The following PRKAR1A variants were observed in gnomAD, a reference collection of about 807,000 sequenced individuals.
PRKAR1A encodes protein kinase cAMP-dependent type I regulatory subunit alpha.
A neutral mutation model predicts 52.0 loss-of-function variants in PRKAR1A; 3 were observed. The ratio of observed to expected loss-of-function variants is 0.06; its 90% CI spans 0.03 to 0.15. The LOEUF is 0.15. Ranked by LOEUF, PRKAR1A falls within the 10% of genes least tolerant of loss-of-function variation. The pLI is 1.00. For missense variants in PRKAR1A, 240 were observed against 477.4 expected, an observed-to-expected ratio of 0.50 and a Z score of 4.63; for synonymous variants, 188 against 168.4, an observed-to-expected ratio of 1.12 and a Z score of -0.90.
At chr17:68,468,052 T>A in the PRKAR1A span, among the ~76,000 whole-genome samples, 1 of 152,122 alleles carries the variant, frequency 6.6e-6, no homozygotes, top group South Asian at 2.1e-4. Context: ...CATACTACCA[T>A]GCCCAACTAA....
Position 68,531,848 on chromosome 17 carries a change from T to A in PRKAR1A, c.*1399T>A. ...TTTTTTAAACAAAATTTCACAGTTC[T>A]GTAATGTAGGCACTTTTATTTTCAT... On this transcript the variant is annotated 3_prime_UTR_variant, in exon 11 of 11. Coordinates refer to ENST00000589228, the MANE Select transcript of PRKAR1A (RefSeq NM_002734.5). The A allele has an allele frequency of 9.6e-7, 1 of 1,036,272 alleles. No individual in the cohort carries two copies. Among genetic ancestry groups the A allele is most frequent in the Non-Finnish European group, 1.2e-6 (1 of 852,414 alleles). The allele number at this position is 1,036,272 out of a possible 1,614,324, so 64.2% of individuals were successfully genotyped here.
chr17:68,486,553 CTT>C, the PRKAR1A span, among the ~76,000 whole-genome samples: 105 of 126,746 alleles, frequency 8.3e-4, 1 homozygote, highest in African/African-American at 2.8e-3. Flanking sequence ...TTCTTTCTTT[CTT>C]TCTTTCTTTC....
downstream of PRKAR1A, chr17:68,535,445 T>C (rs1165487841): frequency 2.2e-6 from 1 of 454,098 alleles, no homozygotes; most frequent in Non-Finnish European, 4.4e-6. Flanking sequence ...GAGAGTCTTA[T>C]TTGGAAGTCC....
chr17:68,430,193 G>GCAGCCCAGTCCCATC, the PRKAR1A span: 1 of 1,585,266 alleles, frequency 6.3e-7, no homozygotes, highest in Non-Finnish European at 8.6e-7. Flanking sequence ...CGATGGGACT[G>GCAGCCCAGTCCCATC]GGCTGCAGGC....
At chr17:68,528,049 A>G in intron 8 of PRKAR1A, 149 bp downstream of exon 8, 3 of 698,142 alleles carry the variant, frequency 4.3e-6, no homozygotes, top group Non-Finnish European at 7.6e-6. Context: ...GACTGTGGAC[A>G]TTCACAGTTA....
the PRKAR1A span, chr17:68,450,695 A>G: frequency 6.3e-7 from 1 of 1,574,954 alleles, no homozygotes; most frequent in Admixed American, 1.9e-5. Flanking sequence ...CGTTAGCAGA[A>G]GCTTTGAAAC....
At chr17:68,415,919 A>G in the PRKAR1A span, among the ~76,000 whole-genome samples, 1 of 152,118 alleles carries the variant, frequency 6.6e-6, no homozygotes, top group African/African-American at 2.4e-5. Flanking sequence ...TATATGTTAG[A>G]TGAGTCTCCC....
At chr17:68,538,897 G>A (rs1388980928) in intron 11 of PRKAR1A, among the ~76,000 whole-genome samples, 11 of 152,292 alleles carry the variant, frequency 7.2e-5, no homozygotes, top group African/African-American at 2.4e-4. Flanking sequence ...ATCGCTTAGT[G>A]ATGGGGATAT....
chr17:68,417,384 G>C, the PRKAR1A span, among the ~76,000 whole-genome samples: 1 of 152,184 alleles, frequency 6.6e-6, no homozygotes, highest in East Asian at 1.9e-4. Context: ...GAAGGATGAA[G>C]AGATTTTTCT....
the PRKAR1A span, among the ~76,000 whole-genome samples, chr17:68,488,793 G>A: frequency 6.7e-6 from 1 of 149,164 alleles, no homozygotes; most frequent in South Asian, 2.1e-4. Flanking sequence ...CTTTCCCTCT[G>A]CCACATGGTT....
At chr17:68,512,304 C>T, upstream of PRKAR1A, 1 of 153,306 alleles carries the variant, frequency 6.5e-6, no homozygotes, top group East Asian at 1.9e-4. Flanking sequence ...CTTCCAAGAG[C>T]GACCAGGGGG....
At chr17:68,527,970 G>T in intron 8 of PRKAR1A, 70 bp downstream of exon 8, 1 of 1,366,090 alleles carries the variant, frequency 7.3e-7, no homozygotes, top group Non-Finnish European at 1.0e-6. Flanking sequence ...ATGGACTTGG[G>T]AAAAGCCTTC....
chr17:68,536,826 TG>T (rs751494832), downstream of PRKAR1A: 5 of 454,010 alleles, frequency 1.1e-5, no homozygotes, highest in Non-Finnish European at 2.2e-5. Flanking sequence ...CTCTTCAAAT[TG>T]GAACACTCCT....
At position 68,530,796 on chromosome 17, in the gene PRKAR1A, A is replaced by ATT; in HGVS notation, c.*356_*357dup. 1 of 1,197,386 alleles carries ATT rather than the reference A, an allele frequency of 8.4e-7. No homozygotes were observed. The highest frequency in any genetic ancestry group is 1.1e-6 in the Non-Finnish European group (1 of 945,690). The allele number at this position is 1,197,386 out of a possible 1,614,324, so 74.2% of individuals were successfully genotyped here. On this transcript the variant is annotated 3_prime_UTR_variant, in exon 11 of 11. Transcript: ENST00000589228. ...TAGAGTAATGATGTAACAGTGCAAG[A>ATT]TTTTTTTTTTAAGTGACATAATTGT...
intron 1 of PRKAR1A, among the ~76,000 whole-genome samples, chr17:68,513,457 T>A (rs758759093): frequency 4.6e-5 from 7 of 152,020 alleles, no homozygotes; most frequent in African/African-American, 7.3e-5. Context: ...TTTCTCAAAG[T>A]GTTTTTATTT....
the PRKAR1A span, among the ~76,000 whole-genome samples, chr17:68,490,430 T>C: frequency 6.6e-6 from 1 of 152,166 alleles, no homozygotes; most frequent in East Asian, 1.9e-4. Context: ...GTCCCGCATT[T>C]CTCCTTTTTC....
At chr17:68,434,627 C>G in the PRKAR1A span, 3 of 1,613,926 alleles carry the variant, frequency 1.9e-6, no homozygotes, top group Non-Finnish European at 2.5e-6. Context: ...TGACTGTGCC[C>G]TGGAAAAGAA....
At chr17:68,493,449 A>C in the PRKAR1A span, among the ~76,000 whole-genome samples, 1 of 152,164 alleles carries the variant, frequency 6.6e-6, no homozygotes, top group Non-Finnish European at 1.5e-5. Context: ...AAGCTCATGG[A>C]ATAGCTGATT....
the PRKAR1A span, among the ~76,000 whole-genome samples, chr17:68,491,722 G>A: frequency 2.0e-5 from 3 of 152,042 alleles, no homozygotes; most frequent in Non-Finnish European, 4.4e-5. Flanking sequence ...AGGACTTGGG[G>A]CTTGGAGTAA....
Sources: allele counts gnomAD v4.1 joint callset (sites outside exome capture counted in the v4.1 genomes callset), GRCh38; gene constraint gnomAD v4.1.1; transcripts MANE v1.5; gene names NCBI Gene and HGNC (gene_info 2026-07-23, HGNC 2026-07-21).